SSBP2: variants seen among roughly 807,000 people sequenced by gnomAD.
The protein encoded by SSBP2 is single-stranded DNA-binding protein 2.
SSBP2 carries 17 observed loss-of-function variants against 61.8 expected under a neutral mutation model. The ratio of observed to expected loss-of-function variants is 0.28; its 90% CI spans 0.19 to 0.41. The LOEUF (loss-of-function observed/expected upper bound fraction) is 0.41. Among genes scored for constraint, SSBP2 ranks in the 10% least tolerant of loss-of-function variants. The pLI, the probability that SSBP2 is intolerant of heterozygous loss-of-function variation, is 1.00. For synonymous variants in SSBP2, 139 were observed against 141.3 expected (o/e 0.98, Z 0.12); for missense variants, 310 against 458.7 (o/e 0.68, Z 2.96).
chr5:81,622,876 G>A (rs993959690), intron 3 of SSBP2, among the ~76,000 whole-genome samples: 31 of 152,064 alleles, frequency 2.0e-4, no homozygotes, highest in Non-Finnish European at 4.1e-4. Context: ...CTTCAGCGGG[G>A]AAAAACGTGA....
At chr5:81,600,680 G>T (rs1744275975) in intron 4 of SSBP2, among the ~76,000 whole-genome samples, 1 of 151,230 alleles carries the variant, frequency 6.6e-6, no homozygotes, top group Admixed American at 6.6e-5. Flanking sequence ...GTAAAGAACT[G>T]AATACCTAAG....
At chr5:81,744,939 T>C (rs1374111836) in intron 1 of SSBP2, among the ~76,000 whole-genome samples, 3 of 152,120 alleles carry the variant, frequency 2.0e-5, no homozygotes, top group Non-Finnish European at 2.9e-5. Flanking sequence ...AAATATTAAT[T>C]ATGCCACTGC....
chr5:81,468,787 A>C (rs574584141), intron 8 of SSBP2, among the ~76,000 whole-genome samples: 1 of 152,074 alleles, frequency 6.6e-6, no homozygotes, highest in Admixed American at 6.6e-5. Flanking sequence ...ATTTACTTTT[A>C]CTTTAAGGAA....
At chr5:81,506,071 T>C (rs1768159259) in intron 5 of SSBP2, among the ~76,000 whole-genome samples, 1 of 152,138 alleles carries the variant, frequency 6.6e-6, no homozygotes, top group South Asian at 2.1e-4. Context: ...TTTGTTCTAA[T>C]AGTTGAGGCC....
chr5:81,435,237 C>T (rs979282059), intron 15 of SSBP2, among the ~76,000 whole-genome samples: 4 of 152,174 alleles, frequency 2.6e-5, no homozygotes, highest in African/African-American at 7.2e-5. Context: ...TTGATCTCCT[C>T]GTTAAACTGA....
intron 16 of SSBP2, among the ~76,000 whole-genome samples, chr5:81,426,261 ACAC>A (rs1315852313): frequency 6.6e-6 from 1 of 152,222 alleles, no homozygotes; most frequent in Non-Finnish European, 1.5e-5. Flanking sequence ...AAAGAAAGCC[ACAC>A]ATAACAATGA....
intron 2 of SSBP2, among the ~76,000 whole-genome samples, chr5:81,644,134 C>T (rs1021434165): frequency 1.3e-5 from 2 of 152,148 alleles, no homozygotes; most frequent in Non-Finnish European, 2.9e-5. Flanking sequence ...CCTTATTTAA[C>T]AGCAAAGATT....
chr5:81,554,140 T>C (rs1772414907), intron 4 of SSBP2, among the ~76,000 whole-genome samples: 1 of 152,058 alleles, frequency 6.6e-6, no homozygotes. Flanking sequence ...ATAATAAAAA[T>C]TAGATATAAA....
At chr5:81,587,736 TACAC>T (rs900932765) in intron 4 of SSBP2, among the ~76,000 whole-genome samples, 27 of 144,002 alleles carry the variant, frequency 1.9e-4, no homozygotes, top group Admixed American at 3.6e-4. Context: ...TCTCAAAACA[TACAC>T]ACACACGCAC....
At chr5:81,482,867 G>C (rs1766096825) in intron 6 of SSBP2, among the ~76,000 whole-genome samples, 1 of 152,156 alleles carries the variant, frequency 6.6e-6, no homozygotes, top group African/African-American at 2.4e-5. Context: ...CTTGGCTTTT[G>C]ACATGCCTTC....
In SSBP2 at chr5:81,690,338, C is replaced by T. The variant is rs148386924; in HGVS notation, c.63-39999G>A. Among the ~76,000 whole-genome samples the T allele has an allele frequency of 5.3e-5, 8 of 152,084 alleles. No individual in the cohort carries two copies. In the East Asian group the frequency reaches 7.7e-4, roughly 15 times the overall value. On this transcript the variant is annotated intron_variant, in intron 1 of 16. Transcript: ENST00000320672. Reference sequence around the variant, plus strand: ...GAGTGGATATAAAAACAAGATCCAACGATCTGTTGCGTACAATAAACACAC... The same window carrying T: ...GAGTGGATATAAAAACAAGATCCAATGATCTGTTGCGTACAATAAACACAC...
intron 4 of SSBP2, among the ~76,000 whole-genome samples, chr5:81,551,799 T>C (rs1772211364): frequency 6.6e-6 from 1 of 152,198 alleles, no homozygotes. Flanking sequence ...AGTTACAATT[T>C]ATGCTTATTT....
At chr5:81,552,260 A>G (rs1581001753) in intron 4 of SSBP2, among the ~76,000 whole-genome samples, 1 of 152,200 alleles carries the variant, frequency 6.6e-6, no homozygotes, top group African/African-American at 2.4e-5. Flanking sequence ...TATTTAGAAT[A>G]AATATCTATA....
At chr5:81,517,171 C>T (rs972815808) in intron 4 of SSBP2, among the ~76,000 whole-genome samples, 43 of 151,964 alleles carry the variant, frequency 2.8e-4, no homozygotes, top group African/African-American at 9.9e-4. Context: ...GAAAAACATA[C>T]AAATAATATG....
intron 4 of SSBP2, among the ~76,000 whole-genome samples, chr5:81,523,276 G>A (rs541564936): frequency 6.6e-6 from 1 of 152,152 alleles, no homozygotes; most frequent in South Asian, 2.1e-4. Context: ...TACTTTAGGA[G>A]GTGGCCTTTG....
At chr5:81,747,369 C>G (rs1346179242) in intron 1 of SSBP2, among the ~76,000 whole-genome samples, 1 of 151,820 alleles carries the variant, frequency 6.6e-6, no homozygotes, top group Non-Finnish European at 1.5e-5. Flanking sequence ...GTTCTTTAAC[C>G]ATTCAGGGTC....
chr5:81,635,640 G>A (rs1748148637), intron 3 of SSBP2, among the ~76,000 whole-genome samples: 1 of 149,082 alleles, frequency 6.7e-6, no homozygotes, highest in Non-Finnish European at 1.5e-5. Flanking sequence ...CTGGAGTGCA[G>A]TGGTGCAATC....
intron 1 of SSBP2, among the ~76,000 whole-genome samples, chr5:81,678,246 A>G (rs1199869580): frequency 6.6e-6 from 1 of 152,214 alleles, no homozygotes; most frequent in Non-Finnish European, 1.5e-5. Context: ...TCTAGAGACC[A>G]TAAACACTGT....
At position 81,416,057 on chromosome 5, in the gene SSBP2, TACTAAA is replaced by T. The variant is rs1761300624; in HGVS notation, c.*4441_*4446del. ...GGCCAACATGGTGAAACCCTGCCTC[TACTAAA>T]AATACAAAAATTAGCCTGTGACGCA... On this transcript the variant is annotated 3_prime_UTR_variant, in exon 17 of 17. Transcript: ENST00000320672. 6.6e-6 allele frequency: 1 copy of T among 151,462 alleles called. No individual in the cohort carries two copies. Among genetic ancestry groups the T allele is most frequent in the African/African-American group, 2.4e-5 (1 of 41,208 alleles). The allele number at this position is 151,462 out of a possible 1,614,324, so 9.4% of individuals were successfully genotyped here.
Sources: gnomAD v4.1 joint callset for allele counts (sites outside exome capture counted in the v4.1 genomes callset) on GRCh38, gnomAD v4.1.1 for gene constraint, MANE v1.5 for transcripts, NCBI Gene and HGNC (gene_info 2026-07-23, HGNC 2026-07-21) for gene names.